ATP8B1: variants seen among roughly 807,000 people sequenced by gnomAD.
ATP8B1 encodes the protein phospholipid-transporting ATPase IC.
ATP8B1 carries 80 observed loss-of-function variants against 149.9 expected under a neutral mutation model. The observed-to-expected ratio is 0.53, with a 90% CI of 0.45 to 0.64. The LOEUF (loss-of-function observed/expected upper bound fraction) is 0.64. ATP8B1 is among the 30% of genes least tolerant of loss of function. The pLI is 0.00. For synonymous variants in ATP8B1, 536 were observed against 562.8 expected, an observed-to-expected ratio of 0.95 and a Z score of 0.67; for missense variants, 1,247 against 1,552.6, an observed-to-expected ratio of 0.80 and a Z score of 3.31.
At chr18:57,736,075 T>A (rs2079851747) in intron 1 of ATP8B1, among the ~76,000 whole-genome samples, 1 of 150,738 alleles carries the variant, frequency 6.6e-6, no homozygotes, top group Non-Finnish European at 1.5e-5. Context: ...CATGTGGTGT[T>A]TAGTTTTCTG....
chr18:57,768,586 CAAAAAAAA>C (rs5825235), intron 1 of ATP8B1, among the ~76,000 whole-genome samples: 2 of 96,996 alleles, frequency 2.1e-5, no homozygotes, highest in African/African-American at 3.9e-5. Flanking sequence ...GTTTACATGC[CAAAAAAAA>C]AAAAAAAAAG....
Position 57,662,527 on chromosome 18 carries a change from G to GA in ATP8B1, c.2373dup (p.Pro792SerfsTer17). On this transcript the variant is annotated frameshift_variant, in exon 21 of 28. Coordinates refer to ENST00000648908, the MANE Select transcript of ATP8B1 (RefSeq NM_001374385.1). LOFTEE classifies it high-confidence loss of function. ...ATTAAGGCACGGTTTCCACCGGGTG[G>GA]AAAAAAAGATTCCTGCACAGGAGGT... 3.7e-6 allele frequency: 6 copies of GA among 1,614,046 alleles called. No homozygotes were observed. The highest frequency in any genetic ancestry group is 5.1e-6 in the Non-Finnish European group (6 of 1,180,010).
intron 2 of ATP8B1, among the ~76,000 whole-genome samples, chr18:57,720,865 A>G (rs1198989442): frequency 6.6e-6 from 1 of 151,876 alleles, no homozygotes; most frequent in East Asian, 1.9e-4. Flanking sequence ...GGTTACCCTC[A>G]AAGGGAAGCC....
At chr18:57,799,704 CAA>C (rs4059219) in intron 1 of ATP8B1, among the ~76,000 whole-genome samples, 35,645 of 110,646 alleles carry the variant, frequency 0.32, 4,244 homozygotes, top group East Asian at 0.59. Context: ...GACTCTGTCT[CAA>C]AAAAAAAAAA....
chr18:57,685,889 C>T (rs576586445), intron 13 of ATP8B1, among the ~76,000 whole-genome samples: 170 of 151,954 alleles, frequency 1.1e-3, no homozygotes, highest in Middle Eastern at 6.8e-3. Context: ...CAAGATCGTG[C>T]CACTGCACTC....
intron 1 of ATP8B1, among the ~76,000 whole-genome samples, chr18:57,786,205 C>A (rs1370638239): frequency 6.6e-6 from 1 of 152,136 alleles, no homozygotes; most frequent in Non-Finnish European, 1.5e-5. Context: ...TAAACACAGA[C>A]AAATAGACCA....
At chr18:57,725,263 A>G (rs913387242) in intron 2 of ATP8B1, among the ~76,000 whole-genome samples, 48 of 151,152 alleles carry the variant, frequency 3.2e-4, no homozygotes, top group African/African-American at 8.0e-4. Flanking sequence ...AAAAAAAAAG[A>G]AAAAAAATAA....
At chr18:57,797,640 A>T (rs2080527253) in intron 1 of ATP8B1, among the ~76,000 whole-genome samples, 1 of 151,400 alleles carries the variant, frequency 6.6e-6, no homozygotes, top group African/African-American at 2.4e-5. Flanking sequence ...CCATCCCTCC[A>T]TGCAAAGAGG....
In ATP8B1 at chr18:57,779,051, AATGGCTCAC is replaced by A. The variant is rs570636825; in HGVS notation, c.-26+23938_-26+23946del. Among the ~76,000 whole-genome samples, 19 of 152,288 alleles carry A rather than the reference AATGGCTCAC, an allele frequency of 1.2e-4. No individual in the cohort carries two copies. The South Asian group carries it at 3.7e-3, about 30-fold the overall frequency. ...TAAGAAGTTTAGCAGGGCTGGGTGTAATGGCTCACACTTGTAATTCCAGAACTTTGGGAG... is the reference window on the plus strand; with the variant it reads ...TAAGAAGTTTAGCAGGGCTGGGTGTAACTTGTAATTCCAGAACTTTGGGAG... On this transcript the variant is annotated intron_variant, in intron 1 of 27. Transcript: ENST00000648908.
chr18:57,765,650 CAGAGTGAGACTCTGTCTCAAA>C (rs2080204637), intron 1 of ATP8B1, among the ~76,000 whole-genome samples: 1 of 146,326 alleles, frequency 6.8e-6, no homozygotes, highest in Non-Finnish European at 1.5e-5. Flanking sequence ...GCCTGGGTGA[CAGAGTGAGACTCTGTCTCAAA>C]AGAAAAAAAA....
chr18:57,782,979 A>G (rs1014865314), intron 1 of ATP8B1, among the ~76,000 whole-genome samples: 2 of 151,548 alleles, frequency 1.3e-5, no homozygotes, highest in Non-Finnish European at 2.9e-5. Flanking sequence ...TGCCCAGCTA[A>G]TTTTTTTATT....
At chr18:57,789,540 T>C (rs993979778) in intron 1 of ATP8B1, among the ~76,000 whole-genome samples, 1 of 152,178 alleles carries the variant, frequency 6.6e-6, no homozygotes, top group Non-Finnish European at 1.5e-5. Flanking sequence ...AAAAGAGTGA[T>C]TTGGTTTTTA....
At chr18:57,718,237 C>T (rs2079604301) in intron 2 of ATP8B1, among the ~76,000 whole-genome samples, 1 of 151,560 alleles carries the variant, frequency 6.6e-6, no homozygotes, top group South Asian at 2.1e-4. Context: ...CAACTATTTG[C>T]CAATAAATTG....
At chr18:57,672,228 A>G (rs1911251382) in intron 16 of ATP8B1, among the ~76,000 whole-genome samples, 1 of 152,218 alleles carries the variant, frequency 6.6e-6, no homozygotes, top group Non-Finnish European at 1.5e-5. Context: ...ACCAACAGGT[A>G]GTTTCTCACC....
rs1477617531 is a variant in ATP8B1, at chr18:57,694,435, T to C, written c.1029+147A>G. The C allele has an allele frequency of 6.7e-6, 4 of 595,448 alleles. No homozygotes were observed. The African/African-American group carries it at 7.5e-5, about 11-fold the overall frequency. The allele number at this position is 595,448 out of a possible 1,614,324, so 36.9% of individuals were successfully genotyped here. A position where few individuals can be genotyped will look rare whatever the true frequency, so the allele number is the denominator to read the frequency against. On this transcript the variant is annotated intron_variant, in intron 11 of 27. Transcript: ENST00000648908. Reference sequence around the variant, plus strand: ...AGGCATTTCTGGAAAAAAAAATCCCTTCTTCCTGCATTTGAAGCTTGGAGT... The same window carrying C: ...AGGCATTTCTGGAAAAAAAAATCCCCTCTTCCTGCATTTGAAGCTTGGAGT...
intron 6 of ATP8B1, among the ~76,000 whole-genome samples, chr18:57,700,109 G>A (rs189756055): frequency 3.3e-5 from 5 of 152,334 alleles, no homozygotes; most frequent in African/African-American, 1.2e-4. Flanking sequence ...TTGCCTTCCA[G>A]TAGCCCTGCT....
chr18:57,676,420 A>G (rs1335967051), intron 15 of ATP8B1, among the ~76,000 whole-genome samples: 1 of 151,566 alleles, frequency 6.6e-6, no homozygotes, highest in African/African-American at 2.4e-5. Context: ...AAAAAAAAAA[A>G]GAAAAAAAAA....
intron 15 of ATP8B1, among the ~76,000 whole-genome samples, chr18:57,680,478 G>C: frequency 6.7e-6 from 1 of 149,446 alleles, no homozygotes; most frequent in Admixed American, 6.7e-5. Flanking sequence ...CCAGCTACTC[G>C]GAGGCTGAGG....
intron 2 of ATP8B1, among the ~76,000 whole-genome samples, chr18:57,715,952 T>C (rs1052596597): frequency 6.6e-6 from 1 of 152,170 alleles, no homozygotes; most frequent in African/African-American, 2.4e-5. Context: ...AGTATAACAC[T>C]GTGACTGTGA....
Sources: allele counts gnomAD v4.1 joint callset (sites outside exome capture counted in the v4.1 genomes callset), GRCh38; gene constraint gnomAD v4.1.1; transcripts MANE v1.5; gene names NCBI Gene and HGNC (gene_info 2026-07-23, HGNC 2026-07-21).